The following ANKS1B variants were observed in gnomAD, a reference collection of about 807,000 sequenced individuals.
ANKS1B encodes ankyrin repeat and sterile alpha motif domain-containing protein 1B.
A neutral mutation model predicts 148.3 loss-of-function variants in ANKS1B; 36 were observed. The ratio of observed to expected loss-of-function variants is 0.24; its 90% CI spans 0.19 to 0.32. The LOEUF is 0.32. Among genes scored for constraint, ANKS1B ranks in the 10% least tolerant of loss-of-function variants. The pLI is 1.00. For missense variants in ANKS1B, 1,157 were observed against 1,542.6 expected (o/e 0.75, Z 4.19); for synonymous variants, 542 against 560.8 (o/e 0.97, Z 0.47).
chr12:98,735,645 G>A (rs1417230804), intron 9 of ANKS1B: 1 of 763,598 alleles, frequency 1.3e-6, no homozygotes, highest in Non-Finnish European at 2.5e-6. Flanking sequence ...CTGTAAAAAA[G>A]AGAATTCATT....
intron 22 of ANKS1B, among the ~76,000 whole-genome samples, chr12:98,793,885 TG>T (rs989546149): frequency 1.6e-4 from 24 of 152,140 alleles, no homozygotes; most frequent in Non-Finnish European, 2.5e-4. Context: ...GGGTTCGGGA[TG>T]GGGTATGGGT....
At position 98,902,566 on chromosome 12, in the gene ANKS1B, G is replaced by A. The variant is rs79410294; in HGVS notation, c.2779-70430C>T. On this transcript the variant is annotated intron_variant, in intron 17 of 26. Coordinates refer to ENST00000683438, the MANE Select transcript of ANKS1B (RefSeq NM_001352186.2). ...ACTCATACTTGGAGTCTTCAAGGAGGTAGCATAATATACAGAAAAAAAGTC... is the reference window on the plus strand; with the variant it reads ...ACTCATACTTGGAGTCTTCAAGGAGATAGCATAATATACAGAAAAAAAGTC... Among the ~76,000 whole-genome samples, 1,216 of 152,242 alleles carry A rather than the reference G, an allele frequency of 8.0e-3. 11 individuals carry two copies. The highest frequency in any genetic ancestry group is 0.025 in the African/African-American group (1,025 of 41,544).
chr12:99,234,929 G>T (rs1566696621), intron 14 of ANKS1B, among the ~76,000 whole-genome samples: 1 of 152,102 alleles, frequency 6.6e-6, no homozygotes, highest in African/African-American at 2.4e-5. Context: ...TAGCCTAATG[G>T]CCAAGTGGAA....
chr12:99,114,579 C>T (rs1222782358), intron 15 of ANKS1B, among the ~76,000 whole-genome samples: 1 of 151,966 alleles, frequency 6.6e-6, no homozygotes, highest in Non-Finnish European at 1.5e-5. Flanking sequence ...TATTGAAGCC[C>T]CATCTCTACT....
intron 9 of ANKS1B, among the ~76,000 whole-genome samples, chr12:99,561,004 G>A (rs2097330688): frequency 6.6e-6 from 1 of 151,762 alleles, no homozygotes; most frequent in South Asian, 2.1e-4. Flanking sequence ...CTGCCACCAT[G>A]CCCAGCTAAT....
intron 10 of ANKS1B, among the ~76,000 whole-genome samples, chr12:99,447,553 A>AT (rs1473152445): frequency 6.6e-6 from 1 of 152,084 alleles, no homozygotes; most frequent in Admixed American, 6.6e-5. Context: ...TTGGGCAATG[A>AT]TTTTTTGGCT....
chr12:98,995,493 C>T (rs918751400), intron 17 of ANKS1B, among the ~76,000 whole-genome samples: 3 of 152,072 alleles, frequency 2.0e-5, no homozygotes, highest in South Asian at 2.1e-4. Context: ...AATGACTTGT[C>T]AAAGGTTCTA....
intron 15 of ANKS1B, among the ~76,000 whole-genome samples, chr12:99,115,628 TA>T (rs34984761): frequency 0.66 from 100,294 of 150,964 alleles, 34,737 homozygotes; most frequent in East Asian, 0.86. Context: ...AAATAAAAGT[TA>T]AAAAAAAAAT....
intron 1 of ANKS1B, among the ~76,000 whole-genome samples, chr12:99,841,477 T>C (rs1233043064): frequency 2.6e-5 from 4 of 152,082 alleles, no homozygotes; most frequent in Non-Finnish European, 5.9e-5. Flanking sequence ...GGTTTTCTTG[T>C]CTTTTTTATT....
At chr12:99,427,791 AG>A (rs2095289335) in intron 11 of ANKS1B, among the ~76,000 whole-genome samples, 1 of 152,148 alleles carries the variant, frequency 6.6e-6, no homozygotes, top group Admixed American at 6.5e-5. Context: ...GGGGTGAGAA[AG>A]GGTTATGCTA....
chr12:99,135,905 G>A (rs2067881248), intron 15 of ANKS1B, among the ~76,000 whole-genome samples: 1 of 152,078 alleles, frequency 6.6e-6, no homozygotes, highest in Non-Finnish European at 1.5e-5. Context: ...GGAAGACTAA[G>A]GATTAATGTG....
chr12:99,456,717 G>A (rs1039657227), intron 10 of ANKS1B, among the ~76,000 whole-genome samples: 1 of 151,852 alleles, frequency 6.6e-6, no homozygotes, highest in Admixed American at 6.6e-5. Flanking sequence ...ATCTGATAAA[G>A]ACAAAGAAAA....
intron 25 of ANKS1B, among the ~76,000 whole-genome samples, chr12:98,754,094 A>G (rs1013030707): frequency 1.3e-5 from 2 of 152,266 alleles, no homozygotes; most frequent in Middle Eastern, 3.4e-3. Context: ...TTGAGAGAGG[A>G]TGTGTCTGTC....
At chr12:99,726,355 C>T (rs929303701) in intron 8 of ANKS1B, among the ~76,000 whole-genome samples, 2 of 152,140 alleles carry the variant, frequency 1.3e-5, no homozygotes, top group African/African-American at 4.8e-5. Flanking sequence ...ACTATAAACA[C>T]CTCTATGCAA....
At chr12:99,319,025 G>C (rs1010274512) in intron 12 of ANKS1B, among the ~76,000 whole-genome samples, 3 of 152,096 alleles carry the variant, frequency 2.0e-5, no homozygotes, top group African/African-American at 4.8e-5. Flanking sequence ...ATTGCACTGT[G>C]GTCTGAGAGA....
At chr12:99,628,795 A>G (rs1241123795) in intron 9 of ANKS1B, among the ~76,000 whole-genome samples, 1 of 152,140 alleles carries the variant, frequency 6.6e-6, no homozygotes, top group East Asian at 1.9e-4. Context: ...GAGGGAGCCA[A>G]ACTTACTTTG....
At chr12:99,088,796 A>T (rs1283277977) in intron 15 of ANKS1B, among the ~76,000 whole-genome samples, 5 of 139,856 alleles carry the variant, frequency 3.6e-5, no homozygotes, top group African/African-American at 1.4e-4. Flanking sequence ...TCACTTTATC[A>T]CTTGCCTTTA....
chr12:99,501,065 T>G (rs899031850), intron 10 of ANKS1B, among the ~76,000 whole-genome samples: 1 of 151,178 alleles, frequency 6.6e-6, no homozygotes, highest in South Asian at 2.1e-4. Flanking sequence ...GTGTAAGTAA[T>G]TGGAATTTTT....
chr12:99,171,338 A>G (rs1004950854), intron 14 of ANKS1B, among the ~76,000 whole-genome samples: 2 of 152,244 alleles, frequency 1.3e-5, no homozygotes, highest in Non-Finnish European at 2.9e-5. Context: ...TGATAAAAGG[A>G]TAGCCATTCT....
Sources: allele counts gnomAD v4.1 joint callset (sites outside exome capture counted in the v4.1 genomes callset), GRCh38; gene constraint gnomAD v4.1.1; transcripts MANE v1.5; gene names NCBI Gene and HGNC (gene_info 2026-07-23, HGNC 2026-07-21).